The following ZGRF1 variants were observed in gnomAD, a reference collection of about 807,000 sequenced individuals.
ZGRF1 encodes zinc finger GRF-type containing 1, also known as 5'-3' DNA helicase ZGRF1.
ZGRF1 carries 196 observed loss-of-function variants against 203.5 expected under a neutral mutation model. The ratio of observed to expected loss-of-function variants is 0.96; its 90% CI spans 0.86 to 1.08. The LOEUF (loss-of-function observed/expected upper bound fraction) is 1.08. Ranked by LOEUF, ZGRF1 falls within the 50% of genes least tolerant of loss-of-function variation. The pLI is 0.00. For missense variants in ZGRF1, 2,326 were observed against 2,416.3 expected (o/e 0.96, Z 0.78); for synonymous variants, 809 against 841.3 (o/e 0.96, Z 0.66).
chr4:112,624,117 T>C (rs2047151474), intron 3 of ZGRF1: 1 of 297,656 alleles, frequency 3.4e-6, no homozygotes, highest in Non-Finnish European at 6.2e-6. Flanking sequence ...TTCCACGCTG[T>C]GGAAGCTTTG....
intron 20 of ZGRF1, among the ~76,000 whole-genome samples, chr4:112,555,129 C>A (rs1008487308): frequency 1.3e-5 from 2 of 152,178 alleles, no homozygotes; most frequent in African/African-American, 4.8e-5. Flanking sequence ...GGAAGAGCCT[C>A]TTTACATATG....
At chr4:112,609,188 G>A (rs930780727) in intron 8 of ZGRF1, among the ~76,000 whole-genome samples, 191 bp downstream of exon 8, 3 of 151,682 alleles carry the variant, frequency 2.0e-5, no homozygotes, top group Admixed American at 6.6e-5. Flanking sequence ...CGAGTAGCCG[G>A]GACTACAGGT....
At chr4:112,589,442 C>G (rs1747778380) in intron 11 of ZGRF1, among the ~76,000 whole-genome samples, 1 of 152,138 alleles carries the variant, frequency 6.6e-6, no homozygotes. Flanking sequence ...GCTGGAGTTA[C>G]AGCTGTGAGA....
intron 22 of ZGRF1, 66 bp from the exon 23 acceptor site, chr4:112,548,446 AAAGAACTTGTAGGCT>A (rs1387907697): frequency 1.5e-5 from 20 of 1,314,454 alleles, no homozygotes; most frequent in Non-Finnish European, 2.1e-5. Context: ...CGTATTTACC[AAAGAACTTGTAGGCT>A]AAAATTAGAG....
rs367678572 is a variant in ZGRF1 at position 112,619,710 on chromosome 4, T to C, written c.352-20A>G. 1.5e-4 allele frequency: 232 copies of C among 1,538,106 alleles called. No individual in the cohort carries two copies. The highest frequency in any genetic ancestry group is 1.9e-4 in the Non-Finnish European group (218 of 1,134,338). ...AAAACCCTGAAAATATTAAAATAAC[T>C]GTTAGGTGTACCATTACCCATTAAG... is the stretch of plus-strand genomic sequence containing the variant. On this transcript the variant is annotated intron_variant, in intron 5 of 27. Coordinates refer to ENST00000505019, the MANE Select transcript of ZGRF1 (RefSeq NM_018392.5).
intron 11 of ZGRF1, among the ~76,000 whole-genome samples, chr4:112,589,413 G>A (rs1012254765): frequency 2.0e-5 from 3 of 152,134 alleles, no homozygotes; most frequent in Non-Finnish European, 1.5e-5. Context: ...AACAGGAAAG[G>A]GCTGTAAAGG....
Position 112,547,317 on chromosome 4 carries a change from C to A in ZGRF1, c.5566G>T (p.Glu1856Ter). 1 of 1,613,346 alleles carries A rather than the reference C, an allele frequency of 6.2e-7. No homozygotes were observed. The highest frequency in any genetic ancestry group is 1.1e-5 in the South Asian group (1 of 90,958). Reference protein sequence around the residue: ...GSDAAHENGLEQTLFDRLCLM... With the variant: ...GSDAAHENGL Reference sequence around the variant, plus strand: ...CAAAGTCGATCAAAAAGAGTTTGTTCCAATCCATTTTCATGAGCTGCATCA... The same window carrying A: ...CAAAGTCGATCAAAAAGAGTTTGTTACAATCCATTTTCATGAGCTGCATCA... Residue 1856 changes from glutamate (E) to a stop codon, truncating the protein, a stop_gained, in exon 24 of 28, where the codon GAA becomes TAA. Transcript: ENST00000505019. LOFTEE classifies it high-confidence loss of function.
Position 112,539,490 on chromosome 4 carries a change from T to C in ZGRF1, c.*57A>G. Reference sequence around the variant, plus strand: ...TAGAGTAATAAAAATATAAAAAATATATCATGTAAAATGAGTCTGAATTTA... The same window carrying C: ...TAGAGTAATAAAAATATAAAAAATACATCATGTAAAATGAGTCTGAATTTA... On this transcript the variant is annotated 3_prime_UTR_variant, in exon 28 of 28. Transcript: ENST00000505019. The C allele has an allele frequency of 1.2e-6, 1 of 856,722 alleles. No individual in the cohort carries two copies. Among genetic ancestry groups the C allele is most frequent in the Non-Finnish European group, 1.8e-6 (1 of 570,346 alleles). 53.1% of individuals were successfully genotyped at this position (856,722 alleles called of 1,614,324 possible).
rs1028906143 is a variant in ZGRF1, at chr4:112,618,477, T to C, written c.1565A>G (p.Asn522Ser). 1 of 1,613,600 alleles carries C rather than the reference T, an allele frequency of 6.2e-7. No homozygotes were observed. Among genetic ancestry groups the C allele is most frequent in the East Asian group, 2.2e-5 (1 of 44,856 alleles). ...SLNSIHESLSNVTQPFLEVTF... is the reference protein window; with the variant it reads ...SLNSIHESLSSVTQPFLEVTF... ...TACCTCCAAAAATGGTTGTGTTACA[T>C]TACTCAGAGATTCATGAATACTATT... Residue 522 changes from asparagine (N) to serine (S), a missense_variant, in exon 6 of 28, where the codon AAT becomes AGT. Transcript: ENST00000505019.
intron 24 of ZGRF1, chr4:112,547,028 G>GT (rs914080927): frequency 1.7e-5 from 5 of 288,974 alleles, no homozygotes; most frequent in East Asian, 6.4e-5. Flanking sequence ...GACATTATAG[G>GT]TTTTTTTGGT....
intron 3 of ZGRF1, among the ~76,000 whole-genome samples, chr4:112,624,366 G>T (rs775676995): frequency 1.3e-5 from 2 of 151,882 alleles, no homozygotes; most frequent in African/African-American, 4.8e-5. Flanking sequence ...GCTGAGGCAG[G>T]AGAATTGCTT....
At chr4:112,555,415 C>T (rs1391900271) in intron 20 of ZGRF1, among the ~76,000 whole-genome samples, 1 of 152,152 alleles carries the variant, frequency 6.6e-6, no homozygotes, top group Non-Finnish European at 1.5e-5. Context: ...ACTTCTACCA[C>T]CTCAAAATGG....
chr4:112,629,068 T>C (rs1234351988), intron 3 of ZGRF1, among the ~76,000 whole-genome samples: 2 of 152,316 alleles, frequency 1.3e-5, no homozygotes, highest in East Asian at 1.9e-4. Flanking sequence ...CTGTTGTTAC[T>C]ACAATTAAAC....
In ZGRF1 at chr4:112,632,864, T is replaced by TAA. The variant is rs1230056328; in HGVS notation, c.21+291_21+292insTT. Reference sequence around the variant, plus strand: ...TTCAAAGATTATGTTACAAAGGACTTTGTCTAATACTTGATCTTAGCCAAA... The same window carrying TAA: ...TTCAAAGATTATGTTACAAAGGACTTAATGTCTAATACTTGATCTTAGCCAAA... On this transcript the variant is annotated intron_variant, in intron 2 of 27. Coordinates refer to ENST00000505019, the MANE Select transcript of ZGRF1 (RefSeq NM_018392.5). Among the ~76,000 whole-genome samples, 4 of 152,196 alleles carry TAA rather than the reference T, an allele frequency of 2.6e-5. No individual in the cohort carries two copies. The East Asian group carries it at 7.7e-4, about 29-fold the overall frequency.
At chr4:112,576,567 G>A (rs567510760) in intron 16 of ZGRF1, among the ~76,000 whole-genome samples, 1 of 152,172 alleles carries the variant, frequency 6.6e-6, no homozygotes, top group South Asian at 2.1e-4. Context: ...AATAACCAAC[G>A]CACAGAAGTC....
chr4:112,563,387 A>G (rs554568909), intron 16 of ZGRF1, 113 bp from the exon 17 acceptor site: 4 of 673,200 alleles, frequency 5.9e-6, no homozygotes, highest in Non-Finnish European at 7.0e-6. Flanking sequence ...GTACACATAT[A>G]CATACACAAG....
At chr4:112,609,318 G>T in intron 8 of ZGRF1, 61 bp downstream of exon 8, 1 of 798,068 alleles carries the variant, frequency 1.3e-6, no homozygotes, top group Non-Finnish European at 1.9e-6. Context: ...CTCCCAAAGT[G>T]CTGGGATTAC....
intron 1 of ZGRF1, among the ~76,000 whole-genome samples, chr4:112,635,627 CTA>C (rs2047582500): frequency 6.7e-6 from 1 of 148,500 alleles, no homozygotes; most frequent in South Asian, 2.1e-4. Flanking sequence ...TAATATATAA[CTA>C]TATTACTGTA....
At chr4:112,586,609 A>C (rs769479959) in intron 12 of ZGRF1, 26 bp from the exon 13 acceptor site, 2 of 1,557,034 alleles carry the variant, frequency 1.3e-6, no homozygotes, top group South Asian at 1.2e-5. Flanking sequence ...TCAAGTTATC[A>C]TAGCAACTCC....
Sources: gnomAD v4.1 joint callset for allele counts (sites outside exome capture counted in the v4.1 genomes callset) on GRCh38, gnomAD v4.1.1 for gene constraint, MANE v1.5 for transcripts, NCBI Gene and HGNC (gene_info 2026-07-23, HGNC 2026-07-21) for gene names.